CHD5: variants seen among roughly 807,000 people sequenced by gnomAD.
The protein encoded by CHD5 is ATP-dependent chromatin remodeler CHD5.
In CHD5, 69 loss-of-function variants were observed where a neutral mutation model predicts 230.3. The ratio of observed to expected loss-of-function variants is 0.30; its 90% CI spans 0.25 to 0.37. The LOEUF (loss-of-function observed/expected upper bound fraction) is 0.37, where lower values mean the gene tolerates loss of function less well. CHD5 is among the 10% of genes least tolerant of loss of function. The probability of loss-of-function intolerance (pLI) is 1.00; values close to 1 mark genes in which losing one functional copy is unlikely to be tolerated. For synonymous variants in CHD5, 1,064 were observed against 1,065.9 expected (o/e 1.00, Z 0.03); for missense variants, 1,827 against 2,622.8 (o/e 0.70, Z 6.63).
At chr1:6,115,532 G>A (rs372359126) in intron 33 of CHD5, among the ~76,000 whole-genome samples, 4 of 152,178 alleles carry the variant, frequency 2.6e-5, no homozygotes, top group Admixed American at 6.5e-5. Context: ...TGCGAAGCAC[G>A]GGAGGGTTTC....
intron 29 of CHD5, 51 bp from the exon 30 acceptor site, chr1:6,124,712 A>T: frequency 8.6e-7 from 1 of 1,163,246 alleles, no homozygotes. Context: ...GCCGGCAAGA[A>T]CCCTCTGAGA....
intron 1 of CHD5, among the ~76,000 whole-genome samples, chr1:6,176,272 TCCTGGCC>T (rs1453351981): frequency 2.0e-5 from 3 of 152,182 alleles, no homozygotes; most frequent in African/African-American, 7.2e-5. Context: ...TGTCACTCTC[TCCTGGCC>T]CCTGGACCTG....
intron 25 of CHD5, among the ~76,000 whole-genome samples, chr1:6,127,447 C>G (rs1666576840): frequency 6.6e-6 from 1 of 151,834 alleles, no homozygotes; most frequent in Admixed American, 6.6e-5. Context: ...TACTGCGCCA[C>G]TGCACTCCAG....
intron 8 of CHD5, 60 bp from the exon 9 acceptor site, chr1:6,149,135 C>T: frequency 6.8e-7 from 1 of 1,464,250 alleles, no homozygotes; most frequent in African/African-American, 1.4e-5. Context: ...CCAGGCCCGA[C>T]TCCCTCCCTC....
chr1:6,138,063 TG>T (rs1369679687), intron 15 of CHD5, among the ~76,000 whole-genome samples: 1 of 152,130 alleles, frequency 6.6e-6, no homozygotes, highest in East Asian at 1.9e-4. Flanking sequence ...TCCCCACACC[TG>T]AAGGAACACG....
chr1:6,156,278 C>T (rs938792550), intron 3 of CHD5, among the ~76,000 whole-genome samples: 3 of 152,068 alleles, frequency 2.0e-5, no homozygotes, highest in African/African-American at 4.8e-5. Flanking sequence ...GGCTCACGCC[C>T]GTAATCCCAA....
intron 15 of CHD5, among the ~76,000 whole-genome samples, chr1:6,140,031 C>G (rs1312912092): frequency 6.6e-6 from 1 of 152,228 alleles, no homozygotes; most frequent in Non-Finnish European, 1.5e-5. Flanking sequence ...CCACCAGCCC[C>G]CAAGGCTGTA....
In CHD5 at chr1:6,130,966, C is replaced by T. The variant is rs1280253225; in HGVS notation, c.3263-638G>A. Among the ~76,000 whole-genome samples, 1 of 152,276 alleles carries T rather than the reference C, an allele frequency of 6.6e-6. No homozygotes were observed. The highest frequency in any genetic ancestry group is 1.5e-5 in the Non-Finnish European group (1 of 68,050). On this transcript the variant is annotated intron_variant, in intron 21 of 41. Transcript: ENST00000262450. The surrounding 1 kb of genome is among the most constrained non-coding windows in gnomAD (Gnocchi z 4.9). ...TCTGAACTTGCTATTCCTCCTGGCT[C>T]TCTGGCACAAGTGTTTGAGAGGAAT...
At chr1:6,144,388 A>T (rs138669911) in intron 11 of CHD5, among the ~76,000 whole-genome samples, 45 of 152,324 alleles carry the variant, frequency 3.0e-4, no homozygotes, top group Non-Finnish European at 5.4e-4. Flanking sequence ...CACGGAGGCC[A>T]GCTAACAGAG....
At chr1:6,119,912 G>A (rs1004733466) in intron 33 of CHD5, among the ~76,000 whole-genome samples, 4 of 151,038 alleles carry the variant, frequency 2.6e-5, no homozygotes, top group Non-Finnish European at 4.4e-5. Context: ...CCAGGCTGGA[G>A]TGCAGTGACA....
At chr1:6,127,785 T>G (rs1458906642) in intron 25 of CHD5, among the ~76,000 whole-genome samples, 3 of 152,228 alleles carry the variant, frequency 2.0e-5, no homozygotes, top group Non-Finnish European at 4.4e-5. Context: ...TCCCTCACTG[T>G]TGTGTCTCTA....
rs375320873 is a variant in CHD5, at chr1:6,180,053, GCCC to G, written c.-33_-31del. 2 of 1,204,712 alleles carry G rather than the reference GCCC, an allele frequency of 1.7e-6. No homozygotes were observed. Among genetic ancestry groups the G allele is most frequent in the South Asian group, 3.8e-5 (2 of 52,782 alleles). 74.6% of individuals were successfully genotyped at this position (1,204,712 alleles called of 1,614,324 possible). A position where few individuals can be genotyped will look rare whatever the true frequency, so the allele number is the denominator to read the frequency against. On this transcript the variant is annotated 5_prime_UTR_variant, in exon 1 of 42. Transcript: ENST00000262450. ...GGCGCGGGGAGGAGGGGAGGTGGGC[GCCC>G]CCCCTCCCGCCGGGCGCGGTGCCAG...
intron 7 of CHD5, among the ~76,000 whole-genome samples, chr1:6,150,002 TGGA>T (rs1666976702): frequency 1.8e-5 from 1 of 56,578 alleles, no homozygotes; most frequent in African/African-American, 1.7e-4. Context: ...GATGGACAAA[TGGA>T]TGGATGGATG....
chr1:6,123,574 G>C (rs936495135), intron 31 of CHD5, among the ~76,000 whole-genome samples: 1 of 151,980 alleles, frequency 6.6e-6, no homozygotes, highest in Non-Finnish European at 1.5e-5. Context: ...TTACAGGCAC[G>C]TGCCACCATG....
intron 15 of CHD5, among the ~76,000 whole-genome samples, chr1:6,140,209 T>C (rs895112798): frequency 3.3e-5 from 5 of 152,234 alleles, no homozygotes; most frequent in Admixed American, 2.0e-4. Context: ...GAGACCATCC[T>C]GGCCAACATG....
At position 6,149,294 on chromosome 1, in the gene CHD5, GT is replaced by G; in HGVS notation, c.1112del (p.Asp371AlafsTer95). On this transcript the variant is annotated frameshift_variant, in exon 8 of 42. Transcript: ENST00000262450. LOFTEE classifies it high-confidence loss of function. ...CCTCGGGAGCCTTCTCCAGCTCTGG[GT>G]CCAGGCATACGAGATGGTAGGCCCT... ...CPRAYHLVCL[D>X]PELEKAPEGK... 6.2e-7 allele frequency: 1 copy of G among 1,600,078 alleles called. No homozygotes were observed. The highest frequency in any genetic ancestry group is 1.1e-5 in the South Asian group (1 of 89,898).
rs56933510 is a variant in CHD5 at position 6,159,227 on chromosome 1, TCACACACACA to T, written c.387+99_387+108del. 397 of 1,402,324 alleles carry T rather than the reference TCACACACACA, an allele frequency of 2.8e-4. 1 individual carries two copies. In the African/African-American group the frequency reaches 4.6e-3, roughly 16 times the overall value. The allele number at this position is 1,402,324 out of a possible 1,614,324, so 86.9% of individuals were successfully genotyped here. A position where few individuals can be genotyped will look rare whatever the true frequency, so the allele number is the denominator to read the frequency against. On this transcript the variant is annotated intron_variant, in intron 3 of 41. Transcript: ENST00000262450. ...AGCCTGGCAACAGAGTGAGACTCCA[TCACACACACA>T]CACACACACACACACACACACAGAA...
In CHD5 at chr1:6,121,240, G is replaced by A. The variant is rs115664978; in HGVS notation, c.4780-3C>T. 6,447 of 1,607,046 alleles carry A rather than the reference G, an allele frequency of 4.0e-3. 201 individuals are homozygous for A. In the African/African-American group the frequency reaches 0.074, roughly 18 times the overall value. ...CTATCCAAGGCGGCTGGAAGGGCCT[G>A]CAGAGGAAAAGCCAGGAGAACTACA... On this transcript the variant is annotated splice_region_variant and splice_polypyrimidine_tract_variant and intron_variant, in intron 32 of 41. Transcript: ENST00000262450. This position sits in a 1 kb window ranked among gnomAD's most constrained non-coding sequence, Gnocchi z 4.5.
At position 6,107,542 on chromosome 1, in the gene CHD5, G is replaced by T. The variant is rs369076365; in HGVS notation, c.5579-763C>A. Reference sequence around the variant, plus strand: ...GGAGCGGTGGAGAGATGGAGGGATGGAGGGATAATGAAGGGATGATGGAGA... The same window carrying T: ...GGAGCGGTGGAGAGATGGAGGGATGTAGGGATAATGAAGGGATGATGGAGA... On this transcript the variant is annotated intron_variant, in intron 38 of 41. Coordinates refer to ENST00000262450, the MANE Select transcript of CHD5 (RefSeq NM_015557.3). Among the ~76,000 whole-genome samples, 455 of 52,970 alleles carry T rather than the reference G, an allele frequency of 8.6e-3. 3 individuals carry two copies. The highest frequency in any genetic ancestry group is 0.028 in the South Asian group (22 of 794). 34.8% of individuals were successfully genotyped at this position (52,970 alleles called of 152,430 possible).
Sources: allele counts gnomAD v4.1 joint callset (sites outside exome capture counted in the v4.1 genomes callset), GRCh38; gene constraint gnomAD v4.1.1; non-coding constraint Gnocchi (gnomAD v3.1); transcripts MANE v1.5; gene names NCBI Gene and HGNC (gene_info 2026-07-23, HGNC 2026-07-21).